Variants in ARX observed in about 807,000 individuals in gnomAD.
ARX encodes aristaless related homeobox, also known as homeobox protein ARX.
ARX carries 1 observed loss-of-function variant against 23.1 expected under a neutral mutation model. The observed-to-expected ratio is 0.04, with a 90% CI of 0.02 to 0.21. The LOEUF is 0.21. Among genes scored for constraint, ARX ranks in the 10% least tolerant of loss-of-function variants. The pLI, the probability that ARX is intolerant of heterozygous loss-of-function variation, is 1.00. For missense variants in ARX, 380 were observed against 527.5 expected (o/e 0.72, Z 2.74); for synonymous variants, 301 against 270.1 (o/e 1.11, Z -1.12).
rs1274974558 is a variant in ARX, at chrX:25,012,993, C to T, written c.1002G>A (p.Thr334=). Residue 334 remains threonine (T), a synonymous_variant, in exon 2 of 5, where the codon ACG becomes ACA. Transcript: ENST00000379044. The part of the protein sequence containing the change: ...LKRKQRRYRT[T]FTSYQLEELE... Reference sequence around the variant, plus strand: ...GTTCCTCCAGCTGGTAGCTGGTGAACGTGGTGCGGTAGCGCCTCTGTTTGC... The same window carrying T: ...GTTCCTCCAGCTGGTAGCTGGTGAATGTGGTGCGGTAGCGCCTCTGTTTGC... 7.5e-6 allele frequency: 9 copies of T among 1,202,532 alleles called. No homozygotes were observed. The South Asian group carries it at 9.0e-5, about 12-fold the overall frequency.
rs2048723387 is a variant in ARX, at chrX:25,015,552, C to G, written c.186G>C (p.Lys62Asn). Residue 62 changes from lysine (K) to asparagine (N), a missense_variant, in exon 1 of 5, where the codon AAG (lysine) becomes AAC (asparagine). Lys to Asn is a moderately conservative substitution (Grantham distance 94). Around this residue, in one of 3 missense-constraint regions of ARX, gnomAD observed 235 missense variants for 270.2 expected, o/e 0.87. Coordinates refer to ENST00000379044, the MANE Select transcript of ARX (RefSeq NM_139058.3). The part of the protein sequence containing the change: ...APLTSRADPE[K>N]AVQGSPKSSS... ...CGGGAGCATCCTTACCTTGCACGGC[C>G]TTTTCCGGGTCGGCGCGGCTGGTCA... 1 of 1,209,453 alleles carries G rather than the reference C, an allele frequency of 8.3e-7. No homozygotes were observed. Among genetic ancestry groups the G allele is most frequent in the Admixed American group, 2.2e-5 (1 of 45,892 alleles).
At chrX:25,014,246 C>A (rs2048716291) in intron 1 of ARX, among the ~76,000 whole-genome samples, 1 of 110,543 alleles carries the variant, frequency 9.0e-6, no homozygotes, top group African/African-American at 3.3e-5. Flanking sequence ...CTTCTTTCTT[C>A]TTTATTCCTT....
At position 25,007,287 on chromosome X, in the gene ARX, C is replaced by T. The variant is rs398124507; in HGVS notation, c.1272G>A (p.Pro424=). The change falls in exon 4 of 5, where the codon CCG becomes CCA. Residue 424 remains proline (P), a synonymous_variant. Coordinates refer to ENST00000379044, the MANE Select transcript of ARX (RefSeq NM_139058.3). ...CGGCAGTCCAAGCGGAGTCGAGCGC[C>T]GGGTGGTGCGGAGGGAAGGGGCTGG... The part of the protein sequence containing the change: ...LDASPFPPHH[P]ALDSAWTAAA... 78 of 1,115,462 alleles carry T rather than the reference C, an allele frequency of 7.0e-5. No homozygotes were observed. The highest frequency in any genetic ancestry group is 1.5e-4 in the Admixed American group (5 of 32,408). The allele number at this position is 1,115,462 out of a possible 1,213,427, so 91.9% of individuals were successfully genotyped here. A position where few individuals can be genotyped will look rare whatever the true frequency, so the allele number is the denominator to read the frequency against.
At position 25,013,344 on chromosome X, in the gene ARX, C is replaced by T. The variant is rs587783204; in HGVS notation, c.651G>A (p.Ala217=). ...CGTCCTCGGTGCCGGTGCCACCACC[C>T]GCAGCCGGGGCGCTGCCCGGGCCGC... ...VAGGPGSAPA[A]GGGTGTEDDE... is the part of the protein sequence containing the mutation. Residue 217 remains alanine, a synonymous_variant, in exon 2 of 5, where the codon GCG becomes GCA. Coordinates refer to ENST00000379044, the MANE Select transcript of ARX (RefSeq NM_139058.3). 13 of 1,148,633 alleles carry T rather than the reference C, an allele frequency of 1.1e-5. No individual in the cohort carries two copies. Among genetic ancestry groups the T allele is most frequent in the South Asian group, 3.9e-5 (2 of 51,889 alleles). 94.7% of individuals were successfully genotyped at this position (1,148,633 alleles called of 1,213,427 possible). A position where few individuals can be genotyped will look rare whatever the true frequency, so the allele number is the denominator to read the frequency against.
chrX:25,010,715 C>G (rs1385666477), intron 2 of ARX, among the ~76,000 whole-genome samples: 1 of 111,218 alleles, frequency 9.0e-6, no homozygotes, highest in East Asian at 2.8e-4. Flanking sequence ...CAGCACTTAA[C>G]TAAGAAAATA....
In ARX at chrX:25,013,562, C is replaced by A. The variant is rs1438576250; in HGVS notation, c.433G>T (p.Ala145Ser). 11 of 776,845 alleles carry A rather than the reference C, an allele frequency of 1.4e-5. 1 individual carries two copies. In the South Asian group the frequency reaches 5.4e-4, roughly 38 times the overall value. 64.0% of individuals were successfully genotyped at this position (776,845 alleles called of 1,213,427 possible). The change falls in exon 2 of 5, where the codon GCC (alanine) becomes TCC (serine). Residue 145 changes from alanine (A) to serine (S), a missense_variant. This residue lies in a region of ARX where 235 missense variants were observed against 270.2 expected (regional missense o/e 0.87). Coordinates refer to ENST00000379044, the MANE Select transcript of ARX (RefSeq NM_139058.3). ...PGERPDGAGA[A>S]AAAAAAAAAA... ...GCGGCCGCGGCCGCGGCTGCCGCGG[C>A]GGCCCCTGCGCCGTCCGGCCGTTCC...
At chrX:25,014,849 G>A (rs962833217) in intron 1 of ARX, among the ~76,000 whole-genome samples, 1 of 112,067 alleles carries the variant, frequency 8.9e-6, no homozygotes, top group African/African-American at 3.2e-5. Context: ...GAAACTTGAG[G>A]ATAACAGGTT....
chrX:25,004,642 CGCGGGGCGCGG>C lies in ARX; in HGVS notation c.*17_*27del, dbSNP rs2048668575. 1 of 1,163,642 alleles carries C rather than the reference CGCGGGGCGCGG, an allele frequency of 8.6e-7. No individual in the cohort carries two copies. The highest frequency in any genetic ancestry group is 1.8e-5 in the African/African-American group (1 of 56,448). The stretch of plus-strand genomic sequence containing the variant: ...GAGTGAGGTGACCTTTCGGGGCGCG[CGCGGGGCGCGG>C]GTGTGGAGGGCAGCCTTTAGCACAC... On this transcript the variant is annotated 3_prime_UTR_variant, in exon 5 of 5. Coordinates refer to ENST00000379044, the MANE Select transcript of ARX (RefSeq NM_139058.3).
intron 1 of ARX, among the ~76,000 whole-genome samples, chrX:25,014,759 C>T (rs1419684283): frequency 8.9e-6 from 1 of 112,416 alleles, no homozygotes; most frequent in Admixed American, 9.4e-5. Context: ...GCGCTATGGC[C>T]GGACCGCTGG....
At chrX:25,014,757 G>C (rs2147324983) in intron 1 of ARX, among the ~76,000 whole-genome samples, 1 of 112,401 alleles carries the variant, frequency 8.9e-6, no homozygotes, top group Non-Finnish European at 1.9e-5. Flanking sequence ...TTGCGCTATG[G>C]CCGGACCGCT....
intron 2 of ARX, among the ~76,000 whole-genome samples, chrX:25,012,565 G>A (rs1218020618): frequency 8.8e-6 from 1 of 113,203 alleles, no homozygotes; most frequent in Non-Finnish European, 1.9e-5. Context: ...CGGAGGCCTT[G>A]TGTCTGTGCC....
intron 3 of ARX, among the ~76,000 whole-genome samples, chrX:25,007,684 A>T (rs746563335): frequency 8.9e-6 from 1 of 112,004 alleles, no homozygotes; most frequent in African/African-American, 3.2e-5. Flanking sequence ...CCGGCATTCC[A>T]CCTGGGCCAG....
rs1220020944 is a variant in ARX at position 25,013,005 on chromosome X, G to A, written c.990C>T (p.Arg330=). The change falls in exon 2 of 5, where the codon CGC becomes CGT. Residue 330 remains arginine (R), a synonymous_variant. Coordinates refer to ENST00000379044, the MANE Select transcript of ARX (RefSeq NM_139058.3). ...GGTAGCTGGTGAACGTGGTGCGGTA[G>A]CGCCTCTGTTTGCGTTTCAGCAGCC... ...EEGLLKRKQR[R]YRTTFTSYQL... 1 of 1,201,145 alleles carries A rather than the reference G, an allele frequency of 8.3e-7. No individual in the cohort carries two copies. Among genetic ancestry groups the A allele is most frequent in the East Asian group, 3.0e-5 (1 of 33,444 alleles).
rs1329228660 is a variant in ARX, at chrX:25,015,580, G to T, written c.158C>A (p.Pro53Gln). The T allele has an allele frequency of 8.3e-7, 1 of 1,210,650 alleles. No individual in the cohort carries two copies. The change falls in exon 1 of 5, where the codon CCG becomes CAG. Residue 53 changes from proline (P) to glutamine (Q), a missense_variant. By Grantham distance (76) the Pro-to-Gln change is moderately conservative. Transcript: ENST00000379044. ...LLGAAQSLPA[P>Q]LTSRADPEKA... The stretch of plus-strand genomic sequence containing the variant: ...TTCCGGGTCGGCGCGGCTGGTCAGC[G>T]GAGCAGGCAAGCTCTGCGCGGCTCC...
intron 2 of ARX, 84 bp downstream of exon 2, chrX:25,012,838 C>G: frequency 2.6e-6 from 3 of 1,164,556 alleles, no homozygotes; most frequent in Non-Finnish European, 3.4e-6. Flanking sequence ...GCCCCGAGGC[C>G]GGGGCCCCTG....
chrX:25,007,547 C>T lies in ARX; in HGVS notation c.1120-108G>A. The T allele has an allele frequency of 6.2e-6, 6 of 969,116 alleles. No individual in the cohort carries two copies. In the South Asian group the frequency reaches 1.0e-4, roughly 16 times the overall value. The allele number at this position is 969,116 out of a possible 1,213,427, so 79.9% of individuals were successfully genotyped here. On this transcript the variant is annotated intron_variant, in intron 3 of 4. Transcript: ENST00000379044. ...GCTGCGGGGCCCCCTTCCTTTCCAC[C>T]GCGGCCCGCGCCCACCTGCCCCTCT...
Position 25,013,763 on chromosome X carries a change from C to T in ARX, c.232G>A (p.Glu78Lys). 1.3e-5 allele frequency: 12 copies of T among 929,278 alleles called. No individual in the cohort carries two copies. Among genetic ancestry groups the T allele is most frequent in the Non-Finnish European group, 1.6e-5 (12 of 750,349 alleles). 76.6% of individuals were successfully genotyped at this position (929,278 alleles called of 1,213,427 possible). The change falls in exon 2 of 5, where the codon GAG becomes AAG. Residue 78 changes from glutamate (E) to lysine (K), a missense_variant. Glu to Lys is a moderately conservative substitution (Grantham distance 56, BLOSUM62 1). This residue lies in a region of ARX where 235 missense variants were observed against 270.2 expected (regional missense o/e 0.87). Coordinates refer to ENST00000379044, the MANE Select transcript of ARX (RefSeq NM_139058.3). ...PKSSSAPFEA[E>K]LHLPPKLRRL... ...CGCAGCTTGGGCGGCAGGTGCAGCT[C>T]GGCCTCGAACGGGGCGCTGCTGCTC... is the stretch of plus-strand genomic sequence containing the variant.
rs2048664915 is a variant in ARX at position 25,003,864 on chromosome X, A to G, written c.*806T>C. On this transcript the variant is annotated 3_prime_UTR_variant, in exon 5 of 5. Transcript: ENST00000379044. ...GTTAAATAAAGGGCTTGAGTACATAAATATTTGTCTAGGAACCCTACCGTA... is the reference window on the plus strand; with the variant it reads ...GTTAAATAAAGGGCTTGAGTACATAGATATTTGTCTAGGAACCCTACCGTA... 8.9e-6 allele frequency: 1 copy of G among 111,780 alleles called. No homozygotes were observed. The highest frequency in any genetic ancestry group is 9.4e-5 in the Admixed American group (1 of 10,595). 9.2% of individuals were successfully genotyped at this position (111,780 alleles called of 1,213,427 possible). A position where few individuals can be genotyped will look rare whatever the true frequency, so the allele number is the denominator to read the frequency against.
intron 3 of ARX, among the ~76,000 whole-genome samples, chrX:25,008,889 C>CCCATTCACA (rs1234039278): frequency 7.1e-5 from 8 of 111,974 alleles, no homozygotes; most frequent in African/African-American, 2.6e-4. Flanking sequence ...CAAAAGGGGG[C>CCCATTCACA]CCATTCACAC....
Sources: allele counts gnomAD v4.1 joint callset (sites outside exome capture counted in the v4.1 genomes callset), GRCh38; gene constraint gnomAD v4.1.1; regional missense constraint gnomAD v4.1.1; transcripts MANE v1.5; gene names NCBI Gene and HGNC (gene_info 2026-07-23, HGNC 2026-07-21).